Variants in KIAA1549L observed in about 807,000 individuals in gnomAD.
KIAA1549L encodes UPF0606 protein KIAA1549L.
Under a neutral mutation model 160.7 loss-of-function variants are expected in KIAA1549L, and 88 were observed. That is an observed-to-expected ratio of 0.55 (90% CI 0.46 to 0.65). The LOEUF (loss-of-function observed/expected upper bound fraction) is 0.65. KIAA1549L is among the 30% of genes least tolerant of loss of function. KIAA1549L has a pLI of 0.00. For synonymous variants in KIAA1549L, 950 were observed against 976.7 expected (o/e 0.97, Z 0.51); for missense variants, 2,258 against 2,437.5 (o/e 0.93, Z 1.55).
In KIAA1549L at chr11:33,589,654, C is replaced by T. The variant is rs988308724; in HGVS notation, c.4567-1583C>T. 5.9e-5 allele frequency among the ~76,000 whole-genome samples: 9 copies of T among 151,880 alleles called. No homozygotes were observed. In the South Asian group the frequency reaches 8.3e-4, roughly 14 times the overall value. ...GAAACCATCATTCTCAGCAAACTATCGCAAGGACAAAAAACCAAGCACCGC... is the reference window on the plus strand; with the variant it reads ...GAAACCATCATTCTCAGCAAACTATTGCAAGGACAAAAAACCAAGCACCGC... On this transcript the variant is annotated intron_variant, in intron 11 of 20. Coordinates refer to ENST00000658780, the MANE Select transcript of KIAA1549L (RefSeq NM_012194.3).
At chr11:33,409,319 C>T (rs1367226424) in intron 1 of KIAA1549L, among the ~76,000 whole-genome samples, 1 of 152,114 alleles carries the variant, frequency 6.6e-6, no homozygotes, top group Non-Finnish European at 1.5e-5. Flanking sequence ...GGTGATGGTT[C>T]ATAACTTACT....
intron 1 of KIAA1549L, among the ~76,000 whole-genome samples, chr11:33,433,633 T>C (rs1437351331): frequency 6.6e-6 from 1 of 152,160 alleles, no homozygotes; most frequent in Non-Finnish European, 1.5e-5. Context: ...TAAAGACACA[T>C]GCATACATAC....
chr11:33,629,867 C>A (rs1438396275), intron 16 of KIAA1549L, among the ~76,000 whole-genome samples: 6 of 130,726 alleles, frequency 4.6e-5, no homozygotes, highest in African/African-American at 2.0e-4. Context: ...AGGCGCTCTG[C>A]TTTTTAGAGT....
chr11:33,441,162 C>T (rs1475663581), intron 1 of KIAA1549L, among the ~76,000 whole-genome samples: 2 of 150,506 alleles, frequency 1.3e-5, no homozygotes, highest in East Asian at 2.0e-4. Context: ...TGAGTGAGAA[C>T]ATGCGGTGCT....
intron 1 of KIAA1549L, among the ~76,000 whole-genome samples, chr11:33,449,439 A>C (rs949324993): frequency 6.6e-6 from 1 of 152,160 alleles, no homozygotes; most frequent in Non-Finnish European, 1.5e-5. Context: ...CAATGAGACT[A>C]TTGAGGTCAT....
intron 13 of KIAA1549L, among the ~76,000 whole-genome samples, chr11:33,605,510 A>C (rs1243276390): frequency 1.3e-5 from 2 of 152,244 alleles, no homozygotes; most frequent in Admixed American, 1.3e-4. Flanking sequence ...GAACTTAAAA[A>C]AAAATCCAAT....
chr11:33,493,024 G>A (rs532070365), intron 1 of KIAA1549L, among the ~76,000 whole-genome samples: 3 of 152,174 alleles, frequency 2.0e-5, no homozygotes, highest in Admixed American at 2.0e-4. Context: ...GAAAAAACAG[G>A]ATTCCTCGTT....
chr11:33,525,258 GA>G (rs1425459730), intron 1 of KIAA1549L, among the ~76,000 whole-genome samples: 1 of 152,226 alleles, frequency 6.6e-6, no homozygotes, highest in Non-Finnish European at 1.5e-5. Flanking sequence ...CAGAGTGTGA[GA>G]GGGGGAAAAG....
chr11:33,629,667 A>C (rs1362522107), intron 16 of KIAA1549L, among the ~76,000 whole-genome samples: 1 of 150,862 alleles, frequency 6.6e-6, no homozygotes, highest in African/African-American at 2.5e-5. Context: ...CTCTGTATTG[A>C]TTATTCTAGT....
intron 1 of KIAA1549L, among the ~76,000 whole-genome samples, chr11:33,471,947 C>T (rs932885485): frequency 6.6e-6 from 1 of 152,156 alleles, no homozygotes; most frequent in African/African-American, 2.4e-5. Flanking sequence ...GTTTTATTCT[C>T]TGAGTAAAAA....
At chr11:33,630,992 G>A (rs1333272605) in intron 16 of KIAA1549L, among the ~76,000 whole-genome samples, 1 of 152,178 alleles carries the variant, frequency 6.6e-6, no homozygotes, top group Non-Finnish European at 1.5e-5. Context: ...GGAGAGAGGT[G>A]GAGGCACGTG....
At chr11:33,638,422 T>A (rs868430245) in intron 16 of KIAA1549L, among the ~76,000 whole-genome samples, 4,266 of 43,370 alleles carry the variant, frequency 0.098, 90 homozygotes, top group Non-Finnish European at 0.11. Context: ...CTAAAATAAA[T>A]AAAAAAAAAA....
chr11:33,401,799 G>A (rs1440618724), intron 1 of KIAA1549L, among the ~76,000 whole-genome samples: 1 of 152,200 alleles, frequency 6.6e-6, no homozygotes, highest in Non-Finnish European at 1.5e-5. Context: ...ATAGGCATGA[G>A]CCATGGCGCT....
At chr11:33,550,556 GTCT>G (rs1167877060) in intron 4 of KIAA1549L, among the ~76,000 whole-genome samples, 1 of 152,162 alleles carries the variant, frequency 6.6e-6, no homozygotes, top group Non-Finnish European at 1.5e-5. Flanking sequence ...GTCTGAACAA[GTCT>G]TCTCTCTGCT....
chr11:33,460,297 G>A (rs1313740224), intron 1 of KIAA1549L, among the ~76,000 whole-genome samples: 1 of 152,118 alleles, frequency 6.6e-6, no homozygotes, highest in Non-Finnish European at 1.5e-5. Context: ...AGATTGAGGT[G>A]TGGTGGGGGC....
chr11:33,663,246 C>A (rs932341759), intron 20 of KIAA1549L, among the ~76,000 whole-genome samples: 3 of 152,144 alleles, frequency 2.0e-5, no homozygotes, highest in African/African-American at 7.2e-5. Flanking sequence ...CCTGGGATAA[C>A]AAATAGGTTT....
In KIAA1549L at chr11:33,543,887, A is replaced by G. The variant is rs1423676309; in HGVS notation, c.2324A>G (p.Gln775Arg). Residue 775 changes from glutamine to arginine, a missense_variant, in exon 2 of 21, where the codon CAG (glutamine) becomes CGG (arginine). Coordinates refer to ENST00000658780, the MANE Select transcript of KIAA1549L (RefSeq NM_012194.3). The part of the protein sequence containing the change: ...HSVTAEGFSI[Q>R]DLVLGTSIEQ... ...GTGACTGCAGAAGGGTTTAGTATTC[A>G]GGATCTAGTCCTCGGTACAAGCATT... 1 of 1,614,060 alleles carries G rather than the reference A, an allele frequency of 6.2e-7. No homozygotes were observed. Among genetic ancestry groups the G allele is most frequent in the Non-Finnish European group, 8.5e-7 (1 of 1,179,898 alleles).
rs796744370 is a variant in KIAA1549L at position 33,497,219 on chromosome 11, TA to T, written c.239-44574del. Among the ~76,000 whole-genome samples the T allele has an allele frequency of 4.4e-4, 67 of 151,854 alleles. 1 individual carries two copies. The highest frequency in any genetic ancestry group is 8.5e-4 in the African/African-American group (35 of 41,386). On this transcript the variant is annotated intron_variant, in intron 1 of 20. Transcript: ENST00000658780. ...CCTAAATGCTGCAAGAGCAGGAACT[TA>T]AAAAAAAATTTATTCTTGTGTCACC...
intron 9 of KIAA1549L, among the ~76,000 whole-genome samples, chr11:33,570,097 G>A (rs1421899764): frequency 2.7e-5 from 4 of 148,476 alleles, no homozygotes; most frequent in African/African-American, 9.9e-5. Context: ...TCCGCCTCCC[G>A]GGTCCAAGCG....
Sources: allele counts gnomAD v4.1 joint callset (sites outside exome capture counted in the v4.1 genomes callset), GRCh38; gene constraint gnomAD v4.1.1; transcripts MANE v1.5; gene names NCBI Gene and HGNC (gene_info 2026-07-23, HGNC 2026-07-21).